Variants in SMARCAD1 observed in about 807,000 individuals in gnomAD.
SMARCAD1 encodes the protein SNF2 related chromatin remodeling ATPase with DExD box 1, also known as SWI/SNF-related matrix-associated actin-dependent regulator of chromatin subfamily A containing DEAD/H box 1.
In SMARCAD1, 25 loss-of-function variants were observed where a neutral mutation model predicts 127.1. The observed-to-expected ratio is 0.20, with a 90% CI of 0.14 to 0.27. The LOEUF is 0.27. Among genes scored for constraint, SMARCAD1 ranks in the 10% least tolerant of loss-of-function variants. SMARCAD1 has a pLI of 1.00. For synonymous variants in SMARCAD1, 400 were observed against 396.9 expected, an observed-to-expected ratio of 1.01 and a Z score of -0.09; for missense variants, 807 against 1,206.0, an observed-to-expected ratio of 0.67 and a Z score of 4.90.
At chr4:94,230,021 A>G (rs1373064202) in intron 3 of SMARCAD1, among the ~76,000 whole-genome samples, 1 of 152,090 alleles carries the variant, frequency 6.6e-6, no homozygotes, top group Non-Finnish European at 1.5e-5. Context: ...GTATACAGTC[A>G]ATGCACTTGG....
chr4:94,227,383 G>A (rs941451128), intron 3 of SMARCAD1, among the ~76,000 whole-genome samples: 1 of 152,162 alleles, frequency 6.6e-6, no homozygotes, highest in Non-Finnish European at 1.5e-5. Flanking sequence ...TGTTTAAAAG[G>A]TCTTAATGAC....
intron 3 of SMARCAD1, among the ~76,000 whole-genome samples, chr4:94,231,779 G>A (rs1745881504): frequency 6.6e-6 from 1 of 151,762 alleles, no homozygotes; most frequent in African/African-American, 2.4e-5. Flanking sequence ...GGCTTCAACT[G>A]TGTTAATCTA....
At chr4:94,239,420 A>G (rs993663917) in intron 5 of SMARCAD1, among the ~76,000 whole-genome samples, 5 of 105,626 alleles carry the variant, frequency 4.7e-5, no homozygotes, top group Non-Finnish European at 5.6e-5. Flanking sequence ...GGATGTTTTT[A>G]TGCTGTTTGT....
chr4:94,283,917 C>G (rs1043922725), intron 22 of SMARCAD1, among the ~76,000 whole-genome samples: 1 of 152,146 alleles, frequency 6.6e-6, no homozygotes, highest in African/African-American at 2.4e-5. Context: ...CCCAGACAAA[C>G]TTGGTAATAT....
chr4:94,278,566 G>A (rs747468692), intron 17 of SMARCAD1, 49 bp downstream of exon 17: 2 of 1,610,246 alleles, frequency 1.2e-6, no homozygotes, highest in South Asian at 1.1e-5. Context: ...TAAAACTTAG[G>A]TTTTTCTCTT....
chr4:94,249,166 C>G (rs1211668336), intron 6 of SMARCAD1, among the ~76,000 whole-genome samples: 1 of 152,054 alleles, frequency 6.6e-6, no homozygotes, highest in African/African-American at 2.4e-5. Context: ...ATCATTGTTT[C>G]AGTTTTATGT....
At chr4:94,232,387 A>G (rs1178160509) in intron 3 of SMARCAD1, among the ~76,000 whole-genome samples, 2 of 152,224 alleles carry the variant, frequency 1.3e-5, no homozygotes, top group Non-Finnish European at 2.9e-5. Context: ...AGGAATTATA[A>G]AAGGATTTTA....
At chr4:94,226,660 A>G (rs1745068419) in intron 3 of SMARCAD1, among the ~76,000 whole-genome samples, 1 of 151,996 alleles carries the variant, frequency 6.6e-6, no homozygotes, top group Admixed American at 6.6e-5. Flanking sequence ...TCATTTTAAC[A>G]TGTTTATTGG....
At chr4:94,226,449 T>C (rs1258445971) in intron 3 of SMARCAD1, among the ~76,000 whole-genome samples, 153 bp downstream of exon 3, 2 of 150,764 alleles carry the variant, frequency 1.3e-5, no homozygotes, top group African/African-American at 4.9e-5. Context: ...ATCTTGGTTA[T>C]TTTCTCTAAC....
intron 3 of SMARCAD1, among the ~76,000 whole-genome samples, chr4:94,231,680 A>G (rs776921067): frequency 5.9e-5 from 9 of 152,048 alleles, no homozygotes; most frequent in Non-Finnish European, 1.2e-4. Flanking sequence ...ATTCTCTAAT[A>G]TCATTTAACT....
At position 94,273,674 on chromosome 4, in the gene SMARCAD1, A is replaced by G; in HGVS notation, c.1630A>G (p.Asn544Asp). The change falls in exon 12 of 24, where the codon AAT (asparagine) becomes GAT (aspartate). Residue 544 changes from asparagine (N) to aspartate (D), a missense_variant. Asn to Asp is a conservative substitution (Grantham distance 23, BLOSUM62 1). This residue lies in a region of SMARCAD1 where 148 missense variants were observed against 313.2 expected (regional missense o/e 0.47). Coordinates refer to ENST00000354268, the MANE Select transcript of SMARCAD1 (RefSeq NM_020159.5). The part of the protein sequence containing the change: ...AFLAYLYQEG[N>D]NGPHLIVVPA... ...TCTGGCATACCTCTATCAGGAGGGT[A>G]ATAATGGTCCTCATTTGATCGTTGT... The G allele has an allele frequency of 6.2e-7, 1 of 1,613,936 alleles. No homozygotes were observed. Among genetic ancestry groups the G allele is most frequent in the Non-Finnish European group, 8.5e-7 (1 of 1,179,898 alleles).
chr4:94,261,532 A>G (rs1023974410), intron 9 of SMARCAD1, among the ~76,000 whole-genome samples: 4 of 152,216 alleles, frequency 2.6e-5, no homozygotes, highest in African/African-American at 9.6e-5. Flanking sequence ...ATTACTCAGA[A>G]CTGTCCATGA....
chr4:94,236,381 A>G (rs867883120), intron 4 of SMARCAD1, among the ~76,000 whole-genome samples: 2 of 152,192 alleles, frequency 1.3e-5, no homozygotes. Context: ...TGCAAGCAAT[A>G]TATGCATATG....
rs778806350 is a variant in SMARCAD1 at position 94,291,211 on chromosome 4, T to G, written c.*1677T>G. The G allele has an allele frequency of 1.4e-4, 64 of 453,994 alleles. No homozygotes were observed. The highest frequency in any genetic ancestry group is 7.1e-4 in the South Asian group (46 of 64,438). The allele number at this position is 453,994 out of a possible 1,614,324, so 28.1% of individuals were successfully genotyped here. A position where few individuals can be genotyped will look rare whatever the true frequency, so the allele number is the denominator to read the frequency against. On this transcript the variant is annotated 3_prime_UTR_variant, in exon 24 of 24. Coordinates refer to ENST00000354268, the MANE Select transcript of SMARCAD1 (RefSeq NM_020159.5). ...TGTTGTTGTTGTTATATCCATACTT[T>G]TATCTCTAATGAAATGTAGTTGGGT...
intron 15 of SMARCAD1, 149 bp from the exon 16 acceptor site, chr4:94,276,873 A>G: frequency 1.2e-6 from 1 of 856,954 alleles, no homozygotes; most frequent in Non-Finnish European, 1.8e-6. Context: ...TCAATTATTT[A>G]AATTACTATA....
intron 15 of SMARCAD1, 29 bp downstream of exon 15, chr4:94,276,503 A>G (rs761965816): frequency 1.9e-6 from 3 of 1,612,504 alleles, no homozygotes; most frequent in African/African-American, 2.7e-5. Context: ...AGTTTTCCAA[A>G]TTACTGTAAA....
intron 10 of SMARCAD1, among the ~76,000 whole-genome samples, chr4:94,267,618 A>T (rs1052464312): frequency 6.6e-6 from 1 of 150,442 alleles, no homozygotes; most frequent in Non-Finnish European, 1.5e-5. Flanking sequence ...TCTGGAGGGA[A>T]TTTTTTTTTT....
Position 94,290,330 on chromosome 4 carries a change from C to G in SMARCAD1, c.*796C>G. On this transcript the variant is annotated 3_prime_UTR_variant, in exon 24 of 24. Coordinates refer to ENST00000354268, the MANE Select transcript of SMARCAD1 (RefSeq NM_020159.5). ...GCTTTTGCTTCTCTTGAAACTGTTG[C>G]CCAGTCACTTCTGCTCCAATTCTCT... 2.2e-6 allele frequency: 1 copy of G among 454,468 alleles called. No homozygotes were observed. The highest frequency in any genetic ancestry group is 4.4e-6 in the Non-Finnish European group (1 of 226,756). The allele number at this position is 454,468 out of a possible 1,614,324, so 28.2% of individuals were successfully genotyped here.
chr4:94,267,950 C>T (rs924001532), intron 10 of SMARCAD1, among the ~76,000 whole-genome samples: 14 of 152,138 alleles, frequency 9.2e-5, no homozygotes, highest in African/African-American at 3.1e-4. Flanking sequence ...TATAGGTATC[C>T]TATTTTTAAA....
Sources: allele counts gnomAD v4.1 joint callset (sites outside exome capture counted in the v4.1 genomes callset), GRCh38; gene constraint gnomAD v4.1.1; regional missense constraint gnomAD v4.1.1; transcripts MANE v1.5; gene names NCBI Gene and HGNC (gene_info 2026-07-23, HGNC 2026-07-21).